The following ZBTB38 variants were observed in gnomAD, a reference collection of about 807,000 sequenced individuals.
ZBTB38 encodes the protein zinc finger and BTB domain-containing protein 38.
Under a neutral mutation model 76.8 loss-of-function variants are expected in ZBTB38, and 20 were observed. That is an observed-to-expected ratio of 0.26 (90% CI 0.18 to 0.38). ZBTB38 has a LOEUF of 0.38. Ranked by LOEUF, ZBTB38 falls within the 10% of genes least tolerant of loss-of-function variation. The probability of loss-of-function intolerance (pLI) is 1.00; values close to 1 mark genes in which losing one functional copy is unlikely to be tolerated. For synonymous variants in ZBTB38, 504 were observed against 544.2 expected (o/e 0.93, Z 1.03); for missense variants, 1,082 against 1,482.3 (o/e 0.73, Z 4.43).
intron 1 of ZBTB38, among the ~76,000 whole-genome samples, chr3:141,343,665 G>T (rs758923571): frequency 6.6e-6 from 1 of 152,130 alleles, no homozygotes; most frequent in Non-Finnish European, 1.5e-5. Context: ...AGGCAAGCTG[G>T]GACCGACACA....
chr3:141,335,981 A>T (rs1338871686), intron 1 of ZBTB38, among the ~76,000 whole-genome samples: 1 of 152,168 alleles, frequency 6.6e-6, no homozygotes, highest in Non-Finnish European at 1.5e-5. Flanking sequence ...AGGGGAAAAT[A>T]TCATATATTC....
intron 5 of ZBTB38, chr3:141,434,208 G>A: frequency 1.0e-6 from 1 of 985,362 alleles, no homozygotes; most frequent in South Asian, 4.7e-5. Flanking sequence ...ATGCAGATAA[G>A]ACATCAACTG....
intron 2 of ZBTB38, among the ~76,000 whole-genome samples, chr3:141,380,452 C>T (rs1293667279): frequency 6.6e-6 from 1 of 152,184 alleles, no homozygotes; most frequent in Non-Finnish European, 1.5e-5. Flanking sequence ...AGATTTTCAG[C>T]CCCCAAGCCC....
At chr3:141,435,193 A>G (rs1304662385) in intron 5 of ZBTB38, among the ~76,000 whole-genome samples, 2 of 152,166 alleles carry the variant, frequency 1.3e-5, no homozygotes, top group East Asian at 3.8e-4. Context: ...AATAATTTAT[A>G]TAGAGATTTG....
chr3:141,431,184 A>G (rs7625643), intron 5 of ZBTB38, among the ~76,000 whole-genome samples: 74,990 of 150,480 alleles, frequency 0.5, 19,931 homozygotes, highest in African/African-American at 0.69. Flanking sequence ...TTAGCCGGGC[A>G]TGGTGGCAGG....
chr3:141,371,613 G>A (rs1041344856), intron 2 of ZBTB38, among the ~76,000 whole-genome samples: 1 of 152,048 alleles, frequency 6.6e-6, no homozygotes, highest in Non-Finnish European at 1.5e-5. Flanking sequence ...AAAGTGCTAG[G>A]ATAACAGGCA....
At chr3:141,390,433 A>G (rs1948489940) in intron 4 of ZBTB38, among the ~76,000 whole-genome samples, 1 of 152,220 alleles carries the variant, frequency 6.6e-6, no homozygotes. Context: ...AATATAAAAT[A>G]CTATAATATT....
rs1576625075 is a variant in ZBTB38, at chr3:141,327,433, A to G, written c.-739+2977A>G. ...TCTGCGGTCTTCCTCCCCCAAACCC[A>G]TGACCCCAGTCCAACCGTGAGAAAA... On this transcript the variant is annotated intron_variant, in intron 1 of 7. Coordinates refer to the ZBTB38 transcript ENST00000509842. 2.0e-5 allele frequency among the ~76,000 whole-genome samples: 3 copies of G among 152,334 alleles called. No individual in the cohort carries two copies. In the South Asian group the frequency reaches 6.2e-4, roughly 32 times the overall value.
chr3:141,335,761 T>G lies in ZBTB38; in HGVS notation c.-739+11305T>G, dbSNP rs986500447. 2.0e-5 allele frequency among the ~76,000 whole-genome samples: 3 copies of G among 152,256 alleles called. No homozygotes were observed. In the East Asian group the frequency reaches 5.8e-4, roughly 29 times the overall value. ...CCAGTTTCTATCAATCACATCCGCA[T>G]GCTGTTTCATCACAATAGTAACCAC... On this transcript the variant is annotated intron_variant, in intron 1 of 7. Transcript: ENST00000509842.
chr3:141,402,619 C>A (rs1231211207), intron 4 of ZBTB38, among the ~76,000 whole-genome samples: 1 of 151,522 alleles, frequency 6.6e-6, no homozygotes, highest in Non-Finnish European at 1.5e-5. Flanking sequence ...GCAAACGCAG[C>A]AGAACCGAGC....
In ZBTB38 at chr3:141,368,527, T is replaced by C. The variant is rs1299169433; in HGVS notation, c.-587T>C. 1.3e-5 allele frequency: 2 copies of C among 152,296 alleles called. No individual in the cohort carries two copies. The highest frequency in any genetic ancestry group is 4.8e-5 in the African/African-American group (2 of 41,416). The allele number at this position is 152,296 out of a possible 1,614,324, so 9.4% of individuals were successfully genotyped here. A position where few individuals can be genotyped will look rare whatever the true frequency, so the allele number is the denominator to read the frequency against. On this transcript the variant is annotated 5_prime_UTR_variant, in exon 1 of 6. Coordinates refer to ENST00000321464, the MANE Select transcript of ZBTB38 (RefSeq NM_001376113.1). ...CTAGTTGGGGAGTGGCACTCGCAGC[T>C]GCAGCAAATCTCAAAATAAAGAGGC...
chr3:141,442,938 G>A lies in ZBTB38; in HGVS notation c.550G>A (p.Asp184Asn). The A allele has an allele frequency of 6.2e-7, 1 of 1,614,240 alleles. No homozygotes were observed. The highest frequency in any genetic ancestry group is 8.5e-7 in the Non-Finnish European group (1 of 1,180,052). ...TAGTAATAACATGTTTTCCCCGCTGGACTTGAGGGCAAGTTTCAAAAAGGT... is the reference window on the plus strand; with the variant it reads ...TAGTAATAACATGTTTTCCCCGCTGAACTTGAGGGCAAGTTTCAAAAAGGT... ...ENSNNMFSPL[D>N]LRASFKKVSD... Residue 184 changes from aspartate (D) to asparagine (N), a missense_variant, in exon 6 of 6, where the codon GAC becomes AAC. By Grantham distance (23) the Asp-to-Asn change is conservative (BLOSUM62 1). Transcript: ENST00000321464. This position sits in a 1 kb window ranked among gnomAD's most constrained non-coding sequence, Gnocchi z 6.4.
chr3:141,330,556 C>A (rs539581965), intron 1 of ZBTB38, among the ~76,000 whole-genome samples: 1 of 152,378 alleles, frequency 6.6e-6, no homozygotes, highest in South Asian at 2.1e-4. Context: ...CAGGCCCTCC[C>A]TTGTTCAGGG....
chr3:141,392,994 C>T (rs6776453), intron 4 of ZBTB38: 17,711 of 152,188 alleles, frequency 0.12, 3,544 homozygotes, highest in African/African-American at 0.41. Context: ...TCATTTTGCA[C>T]TTTTTCCCCC....
At chr3:141,434,339 C>A in intron 5 of ZBTB38, 1 of 373,716 alleles carries the variant, frequency 2.7e-6, no homozygotes, top group Non-Finnish European at 3.4e-6. Context: ...AGAAGTCTTC[C>A]AAAGTTATAA....
chr3:141,438,600 C>G (rs554807324), intron 5 of ZBTB38, among the ~76,000 whole-genome samples: 25 of 152,264 alleles, frequency 1.6e-4, no homozygotes, highest in Non-Finnish European at 3.2e-4. Flanking sequence ...GGGTGGATAG[C>G]TACTTTTTAC....
intron 3 of ZBTB38, among the ~76,000 whole-genome samples, chr3:141,382,441 C>A (rs966028848): frequency 2.6e-5 from 4 of 152,148 alleles, no homozygotes; most frequent in East Asian, 1.9e-4. Flanking sequence ...TGATCTTGGG[C>A]AAATCGTTGT....
intron 1 of ZBTB38, among the ~76,000 whole-genome samples, chr3:141,328,663 C>T (rs1002952482): frequency 2.0e-5 from 3 of 152,166 alleles, no homozygotes; most frequent in African/African-American, 7.2e-5. Context: ...ACACTCCCCA[C>T]ACAGAGCGTC....
At chr3:141,441,712 A>T (rs1019144501) in intron 5 of ZBTB38, among the ~76,000 whole-genome samples, 40 of 152,116 alleles carry the variant, frequency 2.6e-4, no homozygotes, top group African/African-American at 8.9e-4. Context: ...AAATTCATTT[A>T]AAAAAATAGC....
Sources: gnomAD v4.1 joint callset for allele counts (sites outside exome capture counted in the v4.1 genomes callset) on GRCh38, gnomAD v4.1.1 for gene constraint, Gnocchi (gnomAD v3.1) non-coding constraint, MANE v1.5 for transcripts, NCBI Gene and HGNC (gene_info 2026-07-23, HGNC 2026-07-21) for gene names.